PAK1: variants seen among roughly 807,000 people sequenced by gnomAD.
PAK1 encodes the protein serine/threonine-protein kinase PAK 1.
A neutral mutation model predicts 67.4 loss-of-function variants in PAK1; 29 were observed. That is an observed-to-expected ratio of 0.43 (90% CI 0.32 to 0.59). The LOEUF is 0.59. Ranked by LOEUF, PAK1 falls within the 20% of genes least tolerant of loss-of-function variation. PAK1 has a pLI of 0.07. For synonymous variants in PAK1, 223 were observed against 237.4 expected (o/e 0.94, Z 0.56); for missense variants, 337 against 670.7 (o/e 0.50, Z 5.50).
intron 8 of PAK1, 107 bp from the exon 9 acceptor site, chr11:77,349,394 G>A (rs1944916963): frequency 3.6e-6 from 3 of 842,476 alleles, no homozygotes; most frequent in Non-Finnish European, 5.9e-6. Flanking sequence ...AAAAACAAGA[G>A]CAGTAAAAAT....
At chr11:77,464,423 T>C (rs1398605487) in intron 1 of PAK1, among the ~76,000 whole-genome samples, 3 of 152,242 alleles carry the variant, frequency 2.0e-5, no homozygotes, top group Non-Finnish European at 2.9e-5. Flanking sequence ...TGTCCACTTG[T>C]ATATCTACTT....
chr11:77,438,332 G>C (rs960587019), intron 1 of PAK1, among the ~76,000 whole-genome samples: 3 of 152,074 alleles, frequency 2.0e-5, no homozygotes, highest in Non-Finnish European at 4.4e-5. Flanking sequence ...CCATTCATGA[G>C]AAATCCATTC....
chr11:77,503,468 AC>A, the PAK1 span, among the ~76,000 whole-genome samples: 4 of 152,220 alleles, frequency 2.6e-5, no homozygotes, highest in African/African-American at 9.6e-5. Flanking sequence ...TGGTCTCAGG[AC>A]CTTTTTACAC....
the PAK1 span, among the ~76,000 whole-genome samples, chr11:77,520,007 C>CG: frequency 8.5e-5 from 13 of 152,164 alleles, no homozygotes; most frequent in Middle Eastern, 3.2e-3. Context: ...CTGTGGCCCC[C>CG]CCCTCCGCCC....
Position 77,345,379 on chromosome 11 carries a change from T to C in PAK1, c.886-1448A>G, listed in dbSNP as rs115542811. On this transcript the variant is annotated intron_variant, in intron 9 of 14. Coordinates refer to ENST00000356341, the MANE Select transcript of PAK1 (RefSeq NM_002576.5). ...AATGGGCTCCTCTATCCCATAGAAG[T>C]ATACTTTAAATTATTTTCTAAGTGT... 6.1e-3 allele frequency among the ~76,000 whole-genome samples: 935 copies of C among 152,216 alleles called. 14 individuals are homozygous for C. Among genetic ancestry groups the C allele is most frequent in the African/African-American group, 0.022 (915 of 41,540 alleles).
intron 1 of PAK1, among the ~76,000 whole-genome samples, chr11:77,429,631 G>A (rs1023645590): frequency 6.6e-6 from 1 of 152,160 alleles, no homozygotes; most frequent in African/African-American, 2.4e-5. Flanking sequence ...TGCTTTATCT[G>A]ATATTCTACA....
chr11:77,520,298 C>T, the PAK1 span, among the ~76,000 whole-genome samples: 11 of 152,290 alleles, frequency 7.2e-5, no homozygotes, highest in African/African-American at 2.6e-4. Flanking sequence ...CTCAGATCTC[C>T]CTCAGAGGCC....
intron 14 of PAK1, among the ~76,000 whole-genome samples, chr11:77,324,969 A>G (rs1459036469): frequency 1.3e-5 from 2 of 152,222 alleles, no homozygotes; most frequent in Non-Finnish European, 2.9e-5. Flanking sequence ...ATGAATTCCA[A>G]TATATATCAT....
At chr11:77,492,541 C>CT in the PAK1 span, among the ~76,000 whole-genome samples, 694 of 106,094 alleles carry the variant, frequency 6.5e-3, 7 homozygotes, top group African/African-American at 0.016. Context: ...TGAGGTGGGT[C>CT]TTTTTTTTTT....
chr11:77,381,573 G>C (rs557849534), intron 2 of PAK1, among the ~76,000 whole-genome samples: 1 of 152,288 alleles, frequency 6.6e-6, no homozygotes, highest in Admixed American at 6.5e-5. Flanking sequence ...CTTCAGTGTA[G>C]TAAGAAGAAA....
chr11:77,496,234 G>A, the PAK1 span, among the ~76,000 whole-genome samples: 2 of 151,862 alleles, frequency 1.3e-5, no homozygotes, highest in African/African-American at 4.8e-5. Context: ...GGCCAGGATG[G>A]TCTCGATCTC....
intron 1 of PAK1, among the ~76,000 whole-genome samples, chr11:77,405,315 T>G (rs1276572942): frequency 6.6e-6 from 1 of 152,162 alleles, no homozygotes; most frequent in Non-Finnish European, 1.5e-5. Flanking sequence ...GGAAAGACAC[T>G]GAAGGGTTTT....
chr11:77,332,978 T>G, intron 13 of PAK1, 111 bp from the exon 14 acceptor site: 4 of 965,024 alleles, frequency 4.1e-6, no homozygotes, highest in Non-Finnish European at 6.5e-6. Flanking sequence ...GGATGCAAAG[T>G]AGCAGCTGTG....
chr11:77,413,665 A>C (rs1326369214), intron 1 of PAK1, among the ~76,000 whole-genome samples: 1 of 152,030 alleles, frequency 6.6e-6, no homozygotes, highest in Non-Finnish European at 1.5e-5. Context: ...CCTGGGCAAC[A>C]AGAGCGAAAC....
At chr11:77,518,865 A>T in the PAK1 span, among the ~76,000 whole-genome samples, 1 of 152,350 alleles carries the variant, frequency 6.6e-6, no homozygotes, top group South Asian at 2.1e-4. Flanking sequence ...TAATACAAAC[A>T]GTTTAAAATA....
intron 8 of PAK1, among the ~76,000 whole-genome samples, chr11:77,352,491 G>A (rs950834454): frequency 6.6e-6 from 1 of 152,150 alleles, no homozygotes; most frequent in African/African-American, 2.4e-5. Flanking sequence ...TGTAGCAGTT[G>A]TAACGTCATA....
chr11:77,373,043 G>T (rs1338903012), intron 5 of PAK1, among the ~76,000 whole-genome samples: 1 of 152,180 alleles, frequency 6.6e-6, no homozygotes, highest in Non-Finnish European at 1.5e-5. Flanking sequence ...AGCACAAACA[G>T]GAATCATGAA....
intron 1 of PAK1, among the ~76,000 whole-genome samples, chr11:77,423,650 G>A (rs1214903785): frequency 1.3e-5 from 2 of 152,110 alleles, no homozygotes; most frequent in African/African-American, 2.4e-5. Context: ...GTTGTTAAGG[G>A]ACAACCATTA....
At position 77,429,056 on chromosome 11, in the gene PAK1, T is replaced by TAAAAAAAAAAA. The variant is rs566874549; in HGVS notation, c.-21-36526_-21-36516dup. On this transcript the variant is annotated intron_variant, in intron 1 of 14. Transcript: ENST00000356341. ...TTGGATTCTAAATGCCATTTAATAC[T>TAAAAAAAAAAA]AAAAAAAAAAAAAAAAAAAAAAAAA... Among the ~76,000 whole-genome samples the TAAAAAAAAAAA allele has an allele frequency of 1.6e-3, 79 of 48,984 alleles. 19 individuals are homozygous for TAAAAAAAAAAA. Among genetic ancestry groups the TAAAAAAAAAAA allele is most frequent in the Non-Finnish European group, 1.9e-3 (59 of 31,494 alleles). The allele number at this position is 48,984 out of a possible 152,430, so 32.1% of individuals were successfully genotyped here.
Sources: gnomAD v4.1 joint callset for allele counts (sites outside exome capture counted in the v4.1 genomes callset) on GRCh38, gnomAD v4.1.1 for gene constraint, MANE v1.5 for transcripts, NCBI Gene and HGNC (gene_info 2026-07-23, HGNC 2026-07-21) for gene names.